SRRD: variants seen among roughly 807,000 people sequenced by gnomAD.
The protein encoded by SRRD is SRR1 domain containing.
SRRD carries 28 observed loss-of-function variants against 30.7 expected under a neutral mutation model. That is an observed-to-expected ratio of 0.91 (90% CI 0.68 to 1.25). The LOEUF (loss-of-function observed/expected upper bound fraction) is 1.25. Among genes scored for constraint, SRRD ranks in the 50% most tolerant of loss-of-function variants. SRRD has a pLI of 0.00. For missense variants in SRRD, 415 were observed against 417.3 expected (o/e 0.99, Z 0.05); for synonymous variants, 161 against 159.6 (o/e 1.01, Z -0.07).
Position 26,492,308 on chromosome 22 carries a change from C to T in SRRD, c.*636C>T. On this transcript the variant is annotated 3_prime_UTR_variant, in exon 7 of 7. Coordinates refer to ENST00000215917, the MANE Select transcript of SRRD (RefSeq NM_001013694.3). ...CATGGCCTCGTACTGGAAGTCCTTC[C>T]TCCGCTCCGTGTGGGTGAGATAGGC... 1.9e-6 allele frequency: 3 copies of T among 1,614,182 alleles called. No individual in the cohort carries two copies. The highest frequency in any genetic ancestry group is 2.5e-6 in the Non-Finnish European group (3 of 1,180,032).
chr22:26,490,559 C>CTTTTTTTTTTTGTTTTTTTTTTTTTT (rs1921030279), intron 5 of SRRD, among the ~76,000 whole-genome samples: 1 of 51,832 alleles, frequency 1.9e-5, no homozygotes, highest in Non-Finnish European at 3.4e-5. Context: ...GGAATATTTG[C>CTTTTTTTTTTTGTTTTTTTTTTTTTT]TTTTTTTTTT....
rs1251805350 is a variant in SRRD, at chr22:26,488,519, T to C, written c.609+31T>C. 4 of 1,557,420 alleles carry C rather than the reference T, an allele frequency of 2.6e-6. No homozygotes were observed. In the Admixed American group the frequency reaches 5.0e-5, roughly 20 times the overall value. On this transcript the variant is annotated intron_variant, in intron 4 of 6. Transcript: ENST00000215917. ...TGGTTTAAAGGGGAGCAGACAGAACTGTAAAAATCCTGACCAGACTCACCC... is the reference window on the plus strand; with the variant it reads ...TGGTTTAAAGGGGAGCAGACAGAACCGTAAAAATCCTGACCAGACTCACCC...
chr22:26,486,464 A>G (rs1383892151), intron 2 of SRRD, among the ~76,000 whole-genome samples: 2 of 152,210 alleles, frequency 1.3e-5, no homozygotes, highest in East Asian at 1.9e-4. Flanking sequence ...TGGAGTGGAC[A>G]TACCATAGGT....
chr22:26,490,559 C>CTTTTTTTTTTTTTTTTTTTTTTTTTTTTT lies in SRRD; in HGVS notation c.764+383_764+384insTTTTTTTTTTTTTTTTTTTTTTTTTTTTT, dbSNP rs71192931. On this transcript the variant is annotated intron_variant, in intron 5 of 6. Coordinates refer to ENST00000215917, the MANE Select transcript of SRRD (RefSeq NM_001013694.3). ...ATGGGCACAATTACTGGAATATTTGCTTTTTTTTTTTTTTTTTTTTTTGAG... is the reference window on the plus strand; with the variant it reads ...ATGGGCACAATTACTGGAATATTTGCTTTTTTTTTTTTTTTTTTTTTTTTTTTTTTTTTTTTTTTTTTTTTTTTTTTGAG... Among the ~76,000 whole-genome samples, 3 of 51,846 alleles carry CTTTTTTTTTTTTTTTTTTTTTTTTTTTTT rather than the reference C, an allele frequency of 5.8e-5. 1 individual carries two copies. The highest frequency in any genetic ancestry group is 1.0e-4 in the Non-Finnish European group (3 of 29,492). 34.0% of individuals were successfully genotyped at this position (51,846 alleles called of 152,430 possible). A position where few individuals can be genotyped will look rare whatever the true frequency, so the allele number is the denominator to read the frequency against.
rs150843922 is a variant in SRRD at position 26,494,189 on chromosome 22, T to G, written c.*2517T>G. ...CATGATATCAAGTGCCTCATTAAAT[T>G]TGTCCTTGACAGATGGATGTGCCAG... On this transcript the variant is annotated 3_prime_UTR_variant, in exon 7 of 7. Transcript: ENST00000215917. 8 of 1,614,216 alleles carry G rather than the reference T, an allele frequency of 5.0e-6. No homozygotes were observed. In the South Asian group the frequency reaches 6.6e-5, roughly 13 times the overall value.
In SRRD at chr22:26,491,765, T is replaced by C. The variant is rs1921215773; in HGVS notation, c.*93T>C. The C allele has an allele frequency of 2.5e-6, 3 of 1,219,444 alleles. No homozygotes were observed. Among genetic ancestry groups the C allele is most frequent in the African/African-American group, 3.0e-5 (2 of 65,654 alleles). 75.5% of individuals were successfully genotyped at this position (1,219,444 alleles called of 1,614,324 possible). On this transcript the variant is annotated 3_prime_UTR_variant, in exon 7 of 7. Coordinates refer to ENST00000215917, the MANE Select transcript of SRRD (RefSeq NM_001013694.3). ...TATGGAGGAACTACAGAGAACTCCT[T>C]TGCCAGGAAAGAACATCAACTTGGC...
At position 26,492,420 on chromosome 22, in the gene SRRD, A is replaced by C; in HGVS notation, c.*748A>C. On this transcript the variant is annotated 3_prime_UTR_variant, in exon 7 of 7. Coordinates refer to ENST00000215917, the MANE Select transcript of SRRD (RefSeq NM_001013694.3). ...AGGAGAGGTGTTTCCAGGTGTATGG[A>C]AGTTGACACTGTGGCTTGGCCCAGG... is the stretch of plus-strand genomic sequence containing the variant. 1.9e-6 allele frequency: 3 copies of C among 1,551,098 alleles called. No homozygotes were observed. Among genetic ancestry groups the C allele is most frequent in the Non-Finnish European group, 2.7e-6 (3 of 1,130,700 alleles).
Position 26,491,711 on chromosome 22 carries a change from C to A in SRRD, c.*39C>A. 6.4e-7 allele frequency: 1 copy of A among 1,566,332 alleles called. No individual in the cohort carries two copies. Among genetic ancestry groups the A allele is most frequent in the Non-Finnish European group, 8.7e-7 (1 of 1,149,646 alleles). On this transcript the variant is annotated 3_prime_UTR_variant, in exon 7 of 7. Coordinates refer to ENST00000215917, the MANE Select transcript of SRRD (RefSeq NM_001013694.3). Reference sequence around the variant, plus strand: ...TACTCAGTGTTGGCTGAGGTAGAAGCTGCCACCAGAGACTAAAGGGAAGGC... The same window carrying A: ...TACTCAGTGTTGGCTGAGGTAGAAGATGCCACCAGAGACTAAAGGGAAGGC...
Position 26,488,487 on chromosome 22 carries a change from AGG to A in SRRD, c.609_609+1del, listed in dbSNP as rs1206326256. 6.2e-7 allele frequency: 1 copy of A among 1,611,462 alleles called. No individual in the cohort carries two copies. The stretch of plus-strand genomic sequence containing the variant: ...GGTGTGACTGTTCTCAGTGAGAACG[AGG>A]TAAGTGGTTTAAAGGGGAGCAGACA... On this transcript the variant is annotated splice_donor_variant and coding_sequence_variant, in exon 4 of 7. Transcript: ENST00000215917. LOFTEE classifies it high-confidence loss of function.
At position 26,486,075 on chromosome 22, in the gene SRRD, T is replaced by C; in HGVS notation, c.250+12T>C. The C allele has an allele frequency of 6.2e-7, 1 of 1,614,174 alleles. No individual in the cohort carries two copies. Among genetic ancestry groups the C allele is most frequent in the African/African-American group, 1.3e-5 (1 of 75,028 alleles). On this transcript the variant is annotated intron_variant, in intron 2 of 6. Transcript: ENST00000215917. ...GAGTTCAGCACTAGGTGGGTACCAC[T>C]TGGCCAATGGTAGGGATTGTGGGGC...
chr22:26,486,373 T>C (rs951189825), intron 2 of SRRD, among the ~76,000 whole-genome samples: 1 of 152,256 alleles, frequency 6.6e-6, no homozygotes, highest in African/African-American at 2.4e-5. Context: ...TTTTCCATGA[T>C]ATTACAATGT....
chr22:26,490,332 G>T, intron 5 of SRRD, 134 bp downstream of exon 5: 1 of 1,056,852 alleles, frequency 9.5e-7, no homozygotes, highest in Admixed American at 2.8e-5. Context: ...CTGGATGAAG[G>T]CTTAAAGACA....
At position 26,491,043 on chromosome 22, in the gene SRRD, G is replaced by A. The variant is rs748607610; in HGVS notation, c.783G>A (p.Leu261=). ...TTTCTAGGTTGTTGGCAAGGATTCT[G>A]CAGAAAAATTATCCCTACATTGCAA... ...GLEERLLARI[L]QKNYPYIAKI... is the part of the protein sequence containing the mutation. Residue 261 remains leucine (L), a synonymous_variant, in exon 6 of 7, where the codon CTG becomes CTA. Transcript: ENST00000215917. 2 of 1,611,238 alleles carry A rather than the reference G, an allele frequency of 1.2e-6. No homozygotes were observed. The highest frequency in any genetic ancestry group is 1.1e-5 in the South Asian group (1 of 90,678).
chr22:26,494,485 C>CT lies in SRRD; in HGVS notation c.*2814dup. ...ATGGATTTTGGAGTCAGCCTGGTAG[C>CT]TAAAGTGCCCTTGCATGTAAACTCT... On this transcript the variant is annotated 3_prime_UTR_variant, in exon 7 of 7. Transcript: ENST00000215917. 1 of 774,468 alleles carries CT rather than the reference C, an allele frequency of 1.3e-6. No homozygotes were observed. The highest frequency in any genetic ancestry group is 2.1e-6 in the Non-Finnish European group (1 of 485,062). 48.0% of individuals were successfully genotyped at this position (774,468 alleles called of 1,614,324 possible). A position where few individuals can be genotyped will look rare whatever the true frequency, so the allele number is the denominator to read the frequency against.
In SRRD at chr22:26,492,235, C is replaced by T. The variant is rs1174689819; in HGVS notation, c.*563C>T. ...AGTTCATGGGCACAGAGCTAGCGGCCACGCCAATGCCCCTCTGAGCCATGT... is the reference window on the plus strand; with the variant it reads ...AGTTCATGGGCACAGAGCTAGCGGCTACGCCAATGCCCCTCTGAGCCATGT... On this transcript the variant is annotated 3_prime_UTR_variant, in exon 7 of 7. Transcript: ENST00000215917. The T allele has an allele frequency of 6.2e-7, 1 of 1,614,224 alleles. No homozygotes were observed. Among genetic ancestry groups the T allele is most frequent in the South Asian group, 1.1e-5 (1 of 91,086 alleles).
At position 26,492,509 on chromosome 22, in the gene SRRD, T is replaced by C. The variant is rs1054134197; in HGVS notation, c.*837T>C. On this transcript the variant is annotated 3_prime_UTR_variant, in exon 7 of 7. Transcript: ENST00000215917. ...CAGCTCTGCCTCAAAGATACAACTT[T>C]GGAGGAAGTTTAGACGACTGGCCAG... 5.5e-6 allele frequency: 4 copies of C among 722,994 alleles called. No individual in the cohort carries two copies. Among genetic ancestry groups the C allele is most frequent in the Middle Eastern group, 3.7e-4 (1 of 2,668 alleles). 44.8% of individuals were successfully genotyped at this position (722,994 alleles called of 1,614,324 possible). A position where few individuals can be genotyped will look rare whatever the true frequency, so the allele number is the denominator to read the frequency against.
chr22:26,486,767 C>T (rs1252137628), intron 2 of SRRD, among the ~76,000 whole-genome samples: 8 of 152,152 alleles, frequency 5.3e-5, no homozygotes, highest in African/African-American at 1.9e-4. Context: ...GGATATATTC[C>T]CAGAAGTAGA....
At position 26,493,412 on chromosome 22, in the gene SRRD, G is replaced by A. The variant is rs1921479351; in HGVS notation, c.*1740G>A. On this transcript the variant is annotated 3_prime_UTR_variant, in exon 7 of 7. Coordinates refer to ENST00000215917, the MANE Select transcript of SRRD (RefSeq NM_001013694.3). ...CCCTTTAACTATGTGACCTTGAACA[G>A]GCTCTCAGCCTCGCTGGGCTTATCT... 1 of 152,278 alleles carries A rather than the reference G, an allele frequency of 6.6e-6. No homozygotes were observed. The highest frequency in any genetic ancestry group is 1.5e-5 in the Non-Finnish European group (1 of 68,076). The allele number at this position is 152,278 out of a possible 1,614,324, so 9.4% of individuals were successfully genotyped here. A position where few individuals can be genotyped will look rare whatever the true frequency, so the allele number is the denominator to read the frequency against.
chr22:26,488,191 A>G lies in SRRD; in HGVS notation c.413A>G (p.His138Arg), dbSNP rs748720697. The G allele has an allele frequency of 1.1e-5, 18 of 1,614,168 alleles. No homozygotes were observed. Among genetic ancestry groups the G allele is most frequent in the Admixed American group, 5.0e-5 (3 of 60,022 alleles). ...PREILVTGTC[H>R]LKCVCYGIGN... ...GAGATCTTGGTCACAGGAACCTGCCATTTGAAGTGTGTGTGTTACGGCATT... is the reference window on the plus strand; with the variant it reads ...GAGATCTTGGTCACAGGAACCTGCCGTTTGAAGTGTGTGTGTTACGGCATT... The change falls in exon 3 of 7, where the codon CAT becomes CGT. Residue 138 changes from histidine to arginine, a missense_variant. Coordinates refer to ENST00000215917, the MANE Select transcript of SRRD (RefSeq NM_001013694.3).
Sources: allele counts gnomAD v4.1 joint callset (sites outside exome capture counted in the v4.1 genomes callset), GRCh38; gene constraint gnomAD v4.1.1; transcripts MANE v1.5; gene names NCBI Gene and HGNC (gene_info 2026-07-23, HGNC 2026-07-21).